VWC2L: variants seen among roughly 807,000 people sequenced by gnomAD.
VWC2L encodes von Willebrand factor C domain containing 2 like, also known as von Willebrand factor C domain-containing protein 2-like.
Under a neutral mutation model 21.6 loss-of-function variants are expected in VWC2L, and 10 were observed. That is an observed-to-expected ratio of 0.46 (90% CI 0.29 to 0.78). The LOEUF is 0.78. Ranked by LOEUF, VWC2L falls within the 30% of genes least tolerant of loss-of-function variation. The probability of loss-of-function intolerance (pLI) is 0.10; values close to 1 mark genes in which losing one functional copy is unlikely to be tolerated. For missense variants in VWC2L, 209 were observed against 277.1 expected (o/e 0.75, Z 1.74); for synonymous variants, 96 against 94.3 (o/e 1.02, Z -0.10).
Position 214,502,329 on chromosome 2 carries a change from C to T in VWC2L, c.520+65571C>T, listed in dbSNP as rs549444711. ...GCTCATGCCTGTAATCCCAGCACTT[C>T]GGGAGGCTGAGGCAGGCGGATCATG... On this transcript the variant is annotated intron_variant, in intron 3 of 3. Transcript: ENST00000312504. 4.9e-4 allele frequency among the ~76,000 whole-genome samples: 74 copies of T among 152,126 alleles called. 4 individuals are homozygous for T. The South Asian group carries it at 0.014, about 29-fold the overall frequency.
rs1189209440 is a variant in VWC2L at position 214,411,290 on chromosome 2, G to A, written c.-577G>A. On this transcript the variant is annotated 5_prime_UTR_variant, in exon 1 of 4. It removes an upstream start codon present in the reference 5' UTR. Coordinates refer to ENST00000312504, the MANE Select transcript of VWC2L (RefSeq NM_001080500.4). ...ATTCAAGCAACACACTGTGGACGAT[G>A]GTGATGGTATTGCCAGCGGAGTGGG... The A allele has an allele frequency of 6.6e-6, 1 of 152,226 alleles. No individual in the cohort carries two copies. Among genetic ancestry groups the A allele is most frequent in the African/African-American group, 2.4e-5 (1 of 41,448 alleles). 9.4% of individuals were successfully genotyped at this position (152,226 alleles called of 1,614,324 possible). A position where few individuals can be genotyped will look rare whatever the true frequency, so the allele number is the denominator to read the frequency against.
chr2:214,468,803 G>C (rs917427212), intron 3 of VWC2L, among the ~76,000 whole-genome samples: 3 of 152,096 alleles, frequency 2.0e-5, no homozygotes, highest in Non-Finnish European at 4.4e-5. Flanking sequence ...TAGGTTTGCT[G>C]ACTTAAAACC....
intron 3 of VWC2L, among the ~76,000 whole-genome samples, chr2:214,535,133 G>C (rs1457298008): frequency 6.6e-6 from 1 of 152,032 alleles, no homozygotes; most frequent in East Asian, 1.9e-4. Context: ...CATTTTTTAG[G>C]CTAAACAATA....
In VWC2L at chr2:214,414,139, A is replaced by G. The variant is rs1702317724; in HGVS notation, c.-55A>G. ...CCTACCCCTCTTGTATTCCCATGGA[A>G]GGAGCTGAGTATATTTAATATTAGG... On this transcript the variant is annotated 5_prime_UTR_variant, in exon 2 of 4. Transcript: ENST00000312504. 6.5e-7 allele frequency: 1 copy of G among 1,546,342 alleles called. No individual in the cohort carries two copies. Among genetic ancestry groups the G allele is most frequent in the Non-Finnish European group, 8.7e-7 (1 of 1,150,396 alleles).
chr2:214,497,666 T>A (rs917116403), intron 3 of VWC2L, among the ~76,000 whole-genome samples: 1 of 152,220 alleles, frequency 6.6e-6, no homozygotes, highest in African/African-American at 2.4e-5. Context: ...TCTTTATCAG[T>A]GTTTCTCTAA....
At chr2:214,502,853 C>T (rs1688913611) in intron 3 of VWC2L, among the ~76,000 whole-genome samples, 1 of 152,150 alleles carries the variant, frequency 6.6e-6, no homozygotes, top group Non-Finnish European at 1.5e-5. Context: ...CATTTTCCTG[C>T]TTCCAGTAAA....
intron 3 of VWC2L, among the ~76,000 whole-genome samples, chr2:214,554,393 G>A (rs1026685290): frequency 2.6e-5 from 4 of 152,162 alleles, no homozygotes; most frequent in Non-Finnish European, 4.4e-5. Flanking sequence ...TGGGGGGCCA[G>A]ACATGCCTTG....
chr2:214,560,174 C>T (rs1161637666), intron 3 of VWC2L, among the ~76,000 whole-genome samples: 2 of 152,108 alleles, frequency 1.3e-5, no homozygotes, highest in Non-Finnish European at 2.9e-5. Flanking sequence ...GAAAATGCCA[C>T]TTTGTTGCTT....
chr2:214,559,866 G>T (rs1689939070), intron 3 of VWC2L, among the ~76,000 whole-genome samples: 1 of 152,128 alleles, frequency 6.6e-6, no homozygotes, highest in African/African-American at 2.4e-5. Context: ...CTCCCAAAGT[G>T]CTGGGATTAT....
In VWC2L at chr2:214,548,316, A is replaced by C. The variant is rs149651469; in HGVS notation, c.521-27356A>C. On this transcript the variant is annotated intron_variant, in intron 3 of 3. Coordinates refer to ENST00000312504, the MANE Select transcript of VWC2L (RefSeq NM_001080500.4). ...GCTTAAAACATTTACACAATTTAAA[A>C]AAATTTTGTGCCAGTATTCTCTAGG... Among the ~76,000 whole-genome samples, 324 of 152,328 alleles carry C rather than the reference A, an allele frequency of 2.1e-3. 1 individual carries two copies. Among genetic ancestry groups the C allele is most frequent in the African/African-American group, 7.0e-3 (292 of 41,570 alleles).
intron 3 of VWC2L, among the ~76,000 whole-genome samples, chr2:214,549,616 T>C (rs944699861): frequency 1.3e-5 from 2 of 152,022 alleles, no homozygotes; most frequent in African/African-American, 4.8e-5. Context: ...CTACTGAAAG[T>C]ATAAAAATTA....
chr2:214,532,469 A>G (rs1179601692), intron 3 of VWC2L, among the ~76,000 whole-genome samples: 2 of 152,170 alleles, frequency 1.3e-5, no homozygotes, highest in African/African-American at 2.4e-5. Flanking sequence ...GGAGGAGTCA[A>G]TTCTCACCTT....
chr2:214,511,271 G>GAA (rs139344122), intron 3 of VWC2L, among the ~76,000 whole-genome samples: 8 of 151,016 alleles, frequency 5.3e-5, no homozygotes, highest in African/African-American at 1.9e-4. Context: ...TTTCAAAAAA[G>GAA]AAAAAAAAAT....
chr2:214,554,417 C>G (rs2105926527), intron 3 of VWC2L, among the ~76,000 whole-genome samples: 1 of 152,240 alleles, frequency 6.6e-6, no homozygotes, highest in Middle Eastern at 3.4e-3. Flanking sequence ...GTAATCCCAG[C>G]ACTTTGGGGG....
intron 3 of VWC2L, among the ~76,000 whole-genome samples, chr2:214,541,056 G>A (rs1329926797): frequency 6.6e-6 from 1 of 152,128 alleles, no homozygotes; most frequent in African/African-American, 2.4e-5. Flanking sequence ...ACAAAAGACT[G>A]GTTCTTCAGC....
chr2:214,551,811 G>T (rs140938629), intron 3 of VWC2L, among the ~76,000 whole-genome samples: 5 of 152,278 alleles, frequency 3.3e-5, no homozygotes, highest in African/African-American at 1.2e-4. Context: ...CACAATAGAA[G>T]CCAGGGTATT....
intron 1 of VWC2L, among the ~76,000 whole-genome samples, chr2:214,413,428 C>T (rs1438956124): frequency 6.6e-6 from 1 of 151,938 alleles, no homozygotes; most frequent in Non-Finnish European, 1.5e-5. Context: ...ATGGAATTCT[C>T]TTGTATTATT....
At chr2:214,477,636 C>T (rs559804185) in intron 3 of VWC2L, among the ~76,000 whole-genome samples, 31 of 152,330 alleles carry the variant, frequency 2.0e-4, no homozygotes, top group Non-Finnish European at 4.4e-4. Flanking sequence ...CATTTTATAG[C>T]TGAAGACACA....
At chr2:214,534,237 T>G (rs1431647424) in intron 3 of VWC2L, 1 of 152,574 alleles carries the variant, frequency 6.6e-6, no homozygotes, top group Non-Finnish European at 1.5e-5. Context: ...TGTCGCATCC[T>G]AATGCCAATT....
Sources: allele counts gnomAD v4.1 joint callset (sites outside exome capture counted in the v4.1 genomes callset), GRCh38; gene constraint gnomAD v4.1.1; transcripts MANE v1.5; gene names NCBI Gene and HGNC (gene_info 2026-07-23, HGNC 2026-07-21).